YWHAG: variants seen among roughly 807,000 people sequenced by gnomAD.
YWHAG encodes tyrosine 3-monooxygenase/tryptophan 5-monooxygenase activation protein gamma, also known as 14-3-3 protein gamma.
A neutral mutation model predicts 23.3 loss-of-function variants in YWHAG; 1 was observed. The observed-to-expected ratio is 0.04, with a 90% confidence interval of 0.02 to 0.20. YWHAG has a LOEUF of 0.20. Ranked by LOEUF, YWHAG falls within the 10% of genes least tolerant of loss-of-function variation. The probability of loss-of-function intolerance (pLI) is 1.00; values close to 1 mark genes in which losing one functional copy is unlikely to be tolerated. For missense variants in YWHAG, 151 were observed against 338.6 expected (o/e 0.45, Z 4.35); for synonymous variants, 160 against 144.0 (o/e 1.11, Z -0.80).
intron 1 of YWHAG, among the ~76,000 whole-genome samples, chr7:76,351,386 A>G (rs990663823): frequency 3.6e-5 from 3 of 84,022 alleles, no homozygotes; most frequent in African/African-American, 1.7e-4. Context: ...CTTTCTGAGT[A>G]GGGTCTTTTC....
intron 1 of YWHAG, 106 bp downstream of exon 1, chr7:76,358,616 G>A (rs1236412208): frequency 5.1e-6 from 6 of 1,165,928 alleles, no homozygotes; most frequent in African/African-American, 3.2e-5. Context: ...GAGACGGGGC[G>A]GTCAACCCGC....
chr7:76,347,163 C>A (rs1057144970), intron 1 of YWHAG, among the ~76,000 whole-genome samples: 1 of 152,210 alleles, frequency 6.6e-6, no homozygotes, highest in Non-Finnish European at 1.5e-5. Flanking sequence ...ACTTCAATTT[C>A]TTTTGTGGAA....
Position 76,358,857 on chromosome 7 carries a change from CCTGAAGGG to C in YWHAG, c.-57_-50del. 2 of 1,549,610 alleles carry C rather than the reference CCTGAAGGG, an allele frequency of 1.3e-6. No homozygotes were observed. The highest frequency in any genetic ancestry group is 1.7e-6 in the Non-Finnish European group (2 of 1,144,086). On this transcript the variant is annotated 5_prime_UTR_variant, in exon 1 of 2. Coordinates refer to ENST00000307630, the MANE Select transcript of YWHAG (RefSeq NM_012479.4). ...GAGAAGGAGGAGGACACTGGGGCGG[CCTGAAGGG>C]CTTGGAGGGCGCGACTGGAGCCCAA...
At chr7:76,354,305 G>A (rs1196858955) in intron 1 of YWHAG, among the ~76,000 whole-genome samples, 1 of 152,120 alleles carries the variant, frequency 6.6e-6, no homozygotes, top group Non-Finnish European at 1.5e-5. Context: ...GAAGTCAGGA[G>A]TTCGAGCTCA....
chr7:76,330,208 G>C lies in YWHAG; in HGVS notation c.113C>G (p.Ser38Trp). 1 of 1,611,280 alleles carries C rather than the reference G, an allele frequency of 6.2e-7. No individual in the cohort carries two copies. Among genetic ancestry groups the C allele is most frequent in the Non-Finnish European group, 8.5e-7 (1 of 1,179,486 alleles). ...AGACAGAAGGTTTCGTTCCTCATTC[G>C]ACAGTGGCTCATTCAGCTCTGTCAC... ...KNVTELNEPL[S>W]NEERNLLSVA... Residue 38 changes from serine to tryptophan, a missense_variant, in exon 2 of 2, where the codon TCG (serine) becomes TGG (tryptophan). Physicochemically the swap from Ser to Trp is radical, Grantham distance 177 (BLOSUM62 -3). Coordinates refer to ENST00000307630, the MANE Select transcript of YWHAG (RefSeq NM_012479.4).
chr7:76,338,142 C>T (rs1346666347), intron 1 of YWHAG, among the ~76,000 whole-genome samples: 1 of 152,144 alleles, frequency 6.6e-6, no homozygotes, highest in Non-Finnish European at 1.5e-5. Flanking sequence ...ACTCAGTCTA[C>T]ACGGAGAAAA....
At chr7:76,343,231 G>A (rs1803726080) in intron 1 of YWHAG, among the ~76,000 whole-genome samples, 1 of 150,460 alleles carries the variant, frequency 6.6e-6, no homozygotes, top group Non-Finnish European at 1.5e-5. Context: ...GGTATCTACT[G>A]GGTGGAGGCC....
At chr7:76,353,840 G>A (rs1803909172) in intron 1 of YWHAG, among the ~76,000 whole-genome samples, 1 of 151,956 alleles carries the variant, frequency 6.6e-6, no homozygotes, top group Admixed American at 6.6e-5. Context: ...AGGCCAAGAT[G>A]GGCAGACTGC....
chr7:76,340,066 G>A (rs1308163105), intron 1 of YWHAG, among the ~76,000 whole-genome samples: 1 of 152,032 alleles, frequency 6.6e-6, no homozygotes, highest in Non-Finnish European at 1.5e-5. Context: ...TCCTGCCTGG[G>A]CGACACAGCG....
Position 76,329,487 on chromosome 7 carries a change from T to G in YWHAG, c.*90A>C. ...TCTCCCTGGGAAGGTCATCCCTCCC[T>G]TTCCCTCCCCCACCCGACCCCCAAC... On this transcript the variant is annotated 3_prime_UTR_variant, in exon 2 of 2. Coordinates refer to ENST00000307630, the MANE Select transcript of YWHAG (RefSeq NM_012479.4). This position sits in a 1 kb window ranked among gnomAD's most constrained non-coding sequence, Gnocchi z 6.1. The G allele has an allele frequency of 5.0e-5, 37 of 744,052 alleles. No individual in the cohort carries two copies. The highest frequency in any genetic ancestry group is 7.0e-5 in the Non-Finnish European group (35 of 503,438). 46.1% of individuals were successfully genotyped at this position (744,052 alleles called of 1,614,324 possible).
At chr7:76,343,730 G>C (rs1392333055) in intron 1 of YWHAG, among the ~76,000 whole-genome samples, 3 of 152,146 alleles carry the variant, frequency 2.0e-5, no homozygotes, top group African/African-American at 7.2e-5. Flanking sequence ...GCCTAAGCAA[G>C]TATGAGATAG....
At chr7:76,340,124 AC>A (rs1461982167) in intron 1 of YWHAG, among the ~76,000 whole-genome samples, 2 of 152,096 alleles carry the variant, frequency 1.3e-5, no homozygotes, top group African/African-American at 4.8e-5. Context: ...ACACACACAA[AC>A]AAAAAACAAA....
intron 1 of YWHAG, among the ~76,000 whole-genome samples, chr7:76,356,302 TAC>T (rs1003571158): frequency 6.6e-6 from 1 of 152,242 alleles, no homozygotes; most frequent in Non-Finnish European, 1.5e-5. Context: ...TGTCCCATTT[TAC>T]AGATGAGGAA....
chr7:76,346,724 C>A (rs910506185), intron 1 of YWHAG, among the ~76,000 whole-genome samples: 2 of 152,130 alleles, frequency 1.3e-5, no homozygotes, highest in African/African-American at 4.8e-5. Context: ...CCTTGCTCTG[C>A]CTCACTGTCC....
At position 76,329,494 on chromosome 7, in the gene YWHAG, C is replaced by G; in HGVS notation, c.*83G>C. 5.0e-6 allele frequency: 4 copies of G among 793,678 alleles called. No individual in the cohort carries two copies. Among genetic ancestry groups the G allele is most frequent in the African/African-American group, 1.8e-5 (1 of 55,540 alleles). The allele number at this position is 793,678 out of a possible 1,614,324, so 49.2% of individuals were successfully genotyped here. On this transcript the variant is annotated 3_prime_UTR_variant, in exon 2 of 2. Transcript: ENST00000307630. The surrounding 1 kb of genome is among the most constrained non-coding windows in gnomAD (Gnocchi z 6.1). ...GGGAAGGTCATCCCTCCCTTTCCCT[C>G]CCCCACCCGACCCCCAACTCATGGG...
chr7:76,358,207 T>A (rs1023064103), intron 1 of YWHAG, among the ~76,000 whole-genome samples: 1 of 151,898 alleles, frequency 6.6e-6, no homozygotes, highest in African/African-American at 2.4e-5. Context: ...TTCTCAGGGA[T>A]GTGTCGGGAC....
At position 76,327,500 on chromosome 7, in the gene YWHAG, G is replaced by C. The variant is rs1803462198; in HGVS notation, c.*2077C>G. ...TTCCCTCTCCGTTTTCAGCCCTCAG[G>C]TGTGATTTTTATCTTGCATTATTCT... On this transcript the variant is annotated 3_prime_UTR_variant, in exon 2 of 2. Coordinates refer to ENST00000307630, the MANE Select transcript of YWHAG (RefSeq NM_012479.4). 1.3e-5 allele frequency: 2 copies of C among 152,648 alleles called. No individual in the cohort carries two copies. Among genetic ancestry groups the C allele is most frequent in the Admixed American group, 1.3e-4 (2 of 15,272 alleles). 9.5% of individuals were successfully genotyped at this position (152,648 alleles called of 1,614,324 possible).
intron 1 of YWHAG, among the ~76,000 whole-genome samples, chr7:76,333,658 G>A (rs1435410909): frequency 6.6e-6 from 1 of 152,104 alleles, no homozygotes; most frequent in East Asian, 1.9e-4. Context: ...AAAAAAAACT[G>A]CCCAGACTTG....
At chr7:76,349,446 C>CACACACACACACAG (rs1803840987) in intron 1 of YWHAG, among the ~76,000 whole-genome samples, 1 of 97,858 alleles carries the variant, frequency 1.0e-5, no homozygotes, top group African/African-American at 3.9e-5. Context: ...CACACACAGA[C>CACACACACACACAG]ACACACACAC....
Sources: gnomAD v4.1 joint callset for allele counts (sites outside exome capture counted in the v4.1 genomes callset) on GRCh38, gnomAD v4.1.1 for gene constraint, Gnocchi (gnomAD v3.1) non-coding constraint, MANE v1.5 for transcripts, NCBI Gene and HGNC (gene_info 2026-07-23, HGNC 2026-07-21) for gene names.